The following CDYL variants were observed in gnomAD, a reference collection of about 807,000 sequenced individuals.
CDYL encodes the protein chromodomain Y-like protein.
In CDYL, 8 loss-of-function variants were observed where a neutral mutation model predicts 47.3. That is an observed-to-expected ratio of 0.17 (90% CI 0.10 to 0.31). The LOEUF (loss-of-function observed/expected upper bound fraction) is 0.31. CDYL is among the 10% of genes least tolerant of loss of function. The pLI is 1.00. For synonymous variants in CDYL, 266 were observed against 265.0 expected (o/e 1.00, Z -0.04); for missense variants, 471 against 701.4 (o/e 0.67, Z 3.71).
At chr6:4,863,760 C>G (rs920670076) in intron 1 of CDYL, among the ~76,000 whole-genome samples, 9 of 152,208 alleles carry the variant, frequency 5.9e-5, no homozygotes, top group Non-Finnish European at 1.3e-4. Context: ...AATGCAGAAG[C>G]TGATTTCAAA....
At chr6:4,928,298 T>G (rs983133164) in intron 2 of CDYL, among the ~76,000 whole-genome samples, 4 of 152,170 alleles carry the variant, frequency 2.6e-5, no homozygotes, top group Non-Finnish European at 5.9e-5. Context: ...CTTTTTATGT[T>G]TCTTAGTACA....
intron 3 of CDYL, among the ~76,000 whole-genome samples, chr6:4,755,379 C>T (rs1758060352): frequency 6.6e-6 from 1 of 152,092 alleles, no homozygotes. Flanking sequence ...CCACCTTTGC[C>T]TTGTTAAACA....
chr6:4,928,208 C>T (rs1757935548), intron 2 of CDYL, among the ~76,000 whole-genome samples: 1 of 152,126 alleles, frequency 6.6e-6, no homozygotes, highest in South Asian at 2.1e-4. Context: ...AATCACTTTA[C>T]AGTGCTTGGT....
At chr6:4,898,820 TAATA>T (rs1762360218) in intron 2 of CDYL, among the ~76,000 whole-genome samples, 1 of 152,218 alleles carries the variant, frequency 6.6e-6, no homozygotes, top group Non-Finnish European at 1.5e-5. Flanking sequence ...TTTTAAAACT[TAATA>T]AATCTGCATT....
chr6:4,878,175 C>G (rs1432696256), intron 1 of CDYL, among the ~76,000 whole-genome samples: 2 of 151,976 alleles, frequency 1.3e-5, no homozygotes, highest in African/African-American at 4.8e-5. Context: ...ATTTTTACAT[C>G]TGTATTCTTG....
chr6:4,742,080 G>C (rs1757806714), intron 3 of CDYL, among the ~76,000 whole-genome samples: 1 of 152,190 alleles, frequency 6.6e-6, no homozygotes. Flanking sequence ...GCAGGGAAAG[G>C]CTGGGTGTGG....
At chr6:4,720,217 G>A (rs1011613826) in intron 2 of CDYL, among the ~76,000 whole-genome samples, 3 of 152,192 alleles carry the variant, frequency 2.0e-5, no homozygotes, top group African/African-American at 4.8e-5. Flanking sequence ...TTTGGAGGGA[G>A]GAGGAGTGCA....
intron 1 of CDYL, among the ~76,000 whole-genome samples, chr6:4,838,461 G>T (rs1345414525): frequency 6.6e-6 from 1 of 152,084 alleles, no homozygotes; most frequent in Non-Finnish European, 1.5e-5. Flanking sequence ...TTCCATCCAG[G>T]TTGCTGCAAA....
At chr6:4,807,455 C>G (rs146447356) in intron 1 of CDYL, among the ~76,000 whole-genome samples, 1 of 152,162 alleles carries the variant, frequency 6.6e-6, no homozygotes, top group African/African-American at 2.4e-5. Context: ...CTTTAGCATT[C>G]ATTCCATTGG....
At chr6:4,908,666 G>A (rs867222984) in intron 2 of CDYL, among the ~76,000 whole-genome samples, 4 of 152,152 alleles carry the variant, frequency 2.6e-5, no homozygotes, top group South Asian at 2.1e-4. Flanking sequence ...CTGAGCTTAC[G>A]TCTCTCTTTC....
intron 3 of CDYL, among the ~76,000 whole-genome samples, chr6:4,769,910 C>T (rs1026436621): frequency 3.9e-5 from 6 of 152,154 alleles, no homozygotes; most frequent in Admixed American, 3.9e-4. Context: ...CATTCTCCTG[C>T]CTCAGCCTCC....
chr6:4,894,886 T>TGTATATATACACAC (rs1762159312), intron 2 of CDYL, among the ~76,000 whole-genome samples: 2 of 149,964 alleles, frequency 1.3e-5, no homozygotes, highest in African/African-American at 5.0e-5. Context: ...TGTGTATGTG[T>TGTATATATACACAC]GTGTATATAT....
chr6:4,756,841 A>G (rs932150057), intron 3 of CDYL, among the ~76,000 whole-genome samples: 2 of 152,190 alleles, frequency 1.3e-5, no homozygotes, highest in African/African-American at 4.8e-5. Context: ...CAGCTGTGTG[A>G]ATTCAGTCAA....
chr6:4,789,801 G>A lies in CDYL; in HGVS notation c.24+12994G>A, dbSNP rs894502575. Among the ~76,000 whole-genome samples the A allele has an allele frequency of 2.6e-5, 4 of 152,234 alleles. No individual in the cohort carries two copies. In the East Asian group the frequency reaches 5.8e-4, roughly 22 times the overall value. ...TCACCTGCCCCTGGGTAGGGCCCCC[G>A]CAGCACTCCATGGAGTAATGGGGAG... On this transcript the variant is annotated intron_variant, in intron 1 of 6. Coordinates refer to ENST00000397588, the MANE Select transcript of CDYL (RefSeq NM_004824.4).
intron 1 of CDYL, among the ~76,000 whole-genome samples, chr6:4,843,532 T>C (rs1387955913): frequency 6.6e-6 from 1 of 151,358 alleles, no homozygotes; most frequent in Non-Finnish European, 1.5e-5. Context: ...TTTAATTCTT[T>C]TTTTGTCTTT....
At chr6:4,869,147 G>A (rs1054918669) in intron 1 of CDYL, among the ~76,000 whole-genome samples, 1 of 151,650 alleles carries the variant, frequency 6.6e-6, no homozygotes, top group African/African-American at 2.4e-5. Flanking sequence ...CCAGGCTGGA[G>A]TGCAGTGGTG....
At chr6:4,824,376 T>C (rs896520826) in intron 1 of CDYL, among the ~76,000 whole-genome samples, 4 of 144,540 alleles carry the variant, frequency 2.8e-5, no homozygotes, top group Non-Finnish European at 5.9e-5. Flanking sequence ...CTAGCAGCGC[T>C]CGGCTCGGCA....
At chr6:4,831,773 C>A (rs1181190788) in intron 1 of CDYL, among the ~76,000 whole-genome samples, 1 of 152,110 alleles carries the variant, frequency 6.6e-6, no homozygotes, top group African/African-American at 2.4e-5. Context: ...TGTAGTTCTC[C>A]TTGAAGAGAC....
At chr6:4,822,549 A>G (rs952351187) in intron 1 of CDYL, among the ~76,000 whole-genome samples, 8 of 152,188 alleles carry the variant, frequency 5.3e-5, no homozygotes, top group African/African-American at 9.7e-5. Flanking sequence ...TTGAATACCA[A>G]TAATTTCTAA....
Sources: gnomAD v4.1 joint callset for allele counts (sites outside exome capture counted in the v4.1 genomes callset) on GRCh38, gnomAD v4.1.1 for gene constraint, MANE v1.5 for transcripts, NCBI Gene and HGNC (gene_info 2026-07-23, HGNC 2026-07-21) for gene names.